Variants in PAPPA observed in about 807,000 individuals in gnomAD.
The protein encoded by PAPPA is pappalysin 1, also known as pappalysin-1.
Under a neutral mutation model 164.0 loss-of-function variants are expected in PAPPA, and 60 were observed. That is an observed-to-expected ratio of 0.37 (90% CI 0.30 to 0.45). PAPPA has a LOEUF of 0.45. Among genes scored for constraint, PAPPA ranks in the 20% least tolerant of loss-of-function variants. The pLI, the probability that PAPPA is intolerant of heterozygous loss-of-function variation, is 1.00. For synonymous variants in PAPPA, 875 were observed against 814.1 expected, an observed-to-expected ratio of 1.07 and a Z score of -1.27; for missense variants, 1,782 against 2,087.3, an observed-to-expected ratio of 0.85 and a Z score of 2.85.
chr9:116,341,539 C>G (rs568558584), intron 13 of PAPPA, among the ~76,000 whole-genome samples: 2 of 152,258 alleles, frequency 1.3e-5, no homozygotes, highest in South Asian at 2.1e-4. Context: ...AGTGCCTTGC[C>G]CCTTTCCACC....
chr9:116,308,785 C>G (rs1845679094), intron 10 of PAPPA, among the ~76,000 whole-genome samples: 1 of 152,194 alleles, frequency 6.6e-6, no homozygotes, highest in Non-Finnish European at 1.5e-5. Context: ...TCTTTTGGCC[C>G]CCATTCTTTC....
At position 116,399,008 on chromosome 9, in the gene PAPPA, T is replaced by G. The variant is rs1847008326; in HGVS notation, c.*2392T>G. On this transcript the variant is annotated 3_prime_UTR_variant, in exon 22 of 22. Transcript: ENST00000328252. ...AATGTAACAGTATCAACCCTCCCAG[T>G]TGCTTAATTATACCCATAGGTAATA... 4.5e-6 allele frequency: 1 copy of G among 223,872 alleles called. No individual in the cohort carries two copies. Among genetic ancestry groups the G allele is most frequent in the East Asian group, 1.3e-4 (1 of 7,646 alleles). 13.9% of individuals were successfully genotyped at this position (223,872 alleles called of 1,614,324 possible). A position where few individuals can be genotyped will look rare whatever the true frequency, so the allele number is the denominator to read the frequency against.
chr9:116,252,042 T>C (rs1844866799), intron 7 of PAPPA, among the ~76,000 whole-genome samples: 1 of 152,240 alleles, frequency 6.6e-6, no homozygotes, highest in Admixed American at 6.5e-5. Context: ...TGGTAAAAGA[T>C]GATTAAAACA....
chr9:116,329,547 T>G (rs1458062153), intron 10 of PAPPA, among the ~76,000 whole-genome samples: 1 of 152,186 alleles, frequency 6.6e-6, no homozygotes, highest in African/African-American at 2.4e-5. Context: ...TTCCTTTCCT[T>G]GATACACAGA....
intron 10 of PAPPA, among the ~76,000 whole-genome samples, chr9:116,317,421 C>T (rs955953126): frequency 6.6e-6 from 1 of 152,172 alleles, no homozygotes; most frequent in South Asian, 2.1e-4. Context: ...GTCTTAATAG[C>T]TCTGAGCTGA....
At chr9:116,244,425 G>T (rs552987258) in intron 7 of PAPPA, among the ~76,000 whole-genome samples, 1 of 152,074 alleles carries the variant, frequency 6.6e-6, no homozygotes, top group Non-Finnish European at 1.5e-5. Flanking sequence ...TTATTCACTC[G>T]TGCATTTAAT....
intron 21 of PAPPA, among the ~76,000 whole-genome samples, chr9:116,395,189 T>C (rs896970869): frequency 6.6e-6 from 1 of 152,152 alleles, no homozygotes; most frequent in Non-Finnish European, 1.5e-5. Context: ...AGGTCACATC[T>C]CAAGTAGATG....
intron 2 of PAPPA, among the ~76,000 whole-genome samples, chr9:116,198,873 T>C (rs1844137067): frequency 6.6e-6 from 1 of 152,200 alleles, no homozygotes; most frequent in South Asian, 2.1e-4. Context: ...GCTACTCAAG[T>C]ACCTTTTATT....
intron 18 of PAPPA, 141 bp downstream of exon 18, chr9:116,362,880 G>A: frequency 7.9e-6 from 6 of 762,788 alleles, no homozygotes; most frequent in Admixed American, 3.0e-5. Context: ...AATTAGTGTA[G>A]ACCATGTCCT....
At chr9:116,316,032 G>C (rs1845783963) in intron 10 of PAPPA, among the ~76,000 whole-genome samples, 1 of 152,194 alleles carries the variant, frequency 6.6e-6, no homozygotes. Context: ...AAGTTCTACA[G>C]GTAGCCCAGT....
chr9:116,186,373 A>G (rs1020306769), intron 1 of PAPPA, among the ~76,000 whole-genome samples: 7 of 152,228 alleles, frequency 4.6e-5, no homozygotes, highest in African/African-American at 1.4e-4. Context: ...CTGTGACATA[A>G]CAAATGCCTT....
Position 116,231,268 on chromosome 9 carries a change from AG to A in PAPPA, c.2233+3719del, listed in dbSNP as rs1232748823. On this transcript the variant is annotated intron_variant, in intron 6 of 21. Coordinates refer to ENST00000328252, the MANE Select transcript of PAPPA (RefSeq NM_002581.5). ...GGATATCTATTAATAATGAAGTAAC[AG>A]GGCTTTTACACTTAGTTCTCTTTTC... 3.9e-5 allele frequency among the ~76,000 whole-genome samples: 6 copies of A among 152,266 alleles called. No individual in the cohort carries two copies. The East Asian group carries it at 9.6e-4, about 24-fold the overall frequency.
intron 1 of PAPPA, among the ~76,000 whole-genome samples, chr9:116,177,812 G>A (rs558953052): frequency 6.6e-6 from 1 of 152,250 alleles, no homozygotes; most frequent in East Asian, 1.9e-4. Context: ...CAACTTTCAA[G>A]GATGAACAAT....
intron 9 of PAPPA, among the ~76,000 whole-genome samples, chr9:116,283,800 G>A (rs1238995738): frequency 6.6e-6 from 1 of 152,118 alleles, no homozygotes; most frequent in Admixed American, 6.5e-5. Context: ...CATTACCAAG[G>A]AAGGGTCTCC....
intron 1 of PAPPA, among the ~76,000 whole-genome samples, chr9:116,181,476 T>A (rs1843904593): frequency 6.6e-6 from 1 of 152,190 alleles, no homozygotes; most frequent in Non-Finnish European, 1.5e-5. Flanking sequence ...CAAATTGGAT[T>A]AGGATCTGCC....
chr9:116,217,869 T>C (rs1844395355), intron 4 of PAPPA, among the ~76,000 whole-genome samples: 1 of 152,236 alleles, frequency 6.6e-6, no homozygotes. Context: ...CTGTGTGCAC[T>C]AATCTAGTCA....
intron 9 of PAPPA, among the ~76,000 whole-genome samples, chr9:116,289,247 CATATATGTAGCAT>C (rs1293317938): frequency 0.019 from 989 of 51,574 alleles, 116 homozygotes; most frequent in Non-Finnish European, 0.021. Context: ...ATATATATAG[CATATATGTAGCAT>C]ATATATATAG....
chr9:116,315,627 A>C (rs1244133627), intron 10 of PAPPA, among the ~76,000 whole-genome samples: 1 of 152,154 alleles, frequency 6.6e-6, no homozygotes, highest in African/African-American at 2.4e-5. Flanking sequence ...ACAGAGATGG[A>C]TGGAAATCTA....
chr9:116,198,435 G>C (rs1289129575), intron 2 of PAPPA, among the ~76,000 whole-genome samples: 1 of 152,240 alleles, frequency 6.6e-6, no homozygotes, highest in Non-Finnish European at 1.5e-5. Context: ...GCATGAGTGT[G>C]TGTGTCTGCC....
Sources: gnomAD v4.1 joint callset for allele counts (sites outside exome capture counted in the v4.1 genomes callset) on GRCh38, gnomAD v4.1.1 for gene constraint, MANE v1.5 for transcripts, NCBI Gene and HGNC (gene_info 2026-07-23, HGNC 2026-07-21) for gene names.